Variants in LARGE1 observed in about 807,000 individuals in gnomAD.
The protein encoded by LARGE1 is LARGE xylosyl- and glucuronyltransferase 1, also known as xylosyl- and glucuronyltransferase LARGE1.
A neutral mutation model predicts 87.6 loss-of-function variants in LARGE1; 43 were observed. That is an observed-to-expected ratio of 0.49 (90% CI 0.38 to 0.63). The LOEUF (loss-of-function observed/expected upper bound fraction) is 0.63, where lower values mean the gene tolerates loss of function less well. Among genes scored for constraint, LARGE1 ranks in the 30% least tolerant of loss-of-function variants. The pLI, the probability that LARGE1 is intolerant of heterozygous loss-of-function variation, is 0.00. For synonymous variants in LARGE1, 434 were observed against 394.6 expected (o/e 1.10, Z -1.18); for missense variants, 802 against 1,000.2 (o/e 0.80, Z 2.67).
At chr22:33,798,724 G>A (rs984237556) in intron 1 of LARGE1, among the ~76,000 whole-genome samples, 1 of 152,144 alleles carries the variant, frequency 6.6e-6, no homozygotes, top group Non-Finnish European at 1.5e-5. Context: ...CACACTGGAA[G>A]AATATGCACA....
chr22:33,783,748 C>G (rs138548589), intron 1 of LARGE1, among the ~76,000 whole-genome samples: 20 of 152,226 alleles, frequency 1.3e-4, no homozygotes, highest in Non-Finnish European at 2.6e-4. Context: ...AGGATATGGT[C>G]GCAGGATAAG....
chr22:33,359,560 CTTTTTTT>C lies in LARGE1; in HGVS notation c.1132-21766_1132-21760del, dbSNP rs539990533. ...GAACGACCCTGTATGGCAGACTCAT[CTTTTTTT>C]TTTTTTTTTTTTTTGAGATGGAGTC... On this transcript the variant is annotated intron_variant, in intron 9 of 14. Transcript: ENST00000397394. 5.9e-5 allele frequency among the ~76,000 whole-genome samples: 7 copies of C among 119,234 alleles called. No individual in the cohort carries two copies. In the East Asian group the frequency reaches 1.2e-3, roughly 20 times the overall value. The allele number at this position is 119,234 out of a possible 152,430, so 78.2% of individuals were successfully genotyped here.
chr22:33,137,499 T>C, the LARGE1 span, among the ~76,000 whole-genome samples: 7 of 152,162 alleles, frequency 4.6e-5, no homozygotes, highest in East Asian at 3.9e-4. Flanking sequence ...GAAAAACCCA[T>C]TTTCTGAGGG....
chr22:33,303,375 C>T (rs753386597), intron 12 of LARGE1, among the ~76,000 whole-genome samples: 6 of 152,144 alleles, frequency 3.9e-5, no homozygotes, highest in Non-Finnish European at 5.9e-5. Context: ...CTCCTGGTCT[C>T]GGTCCCACAG....
intron 11 of LARGE1, among the ~76,000 whole-genome samples, chr22:33,204,646 G>C (rs908525508): frequency 6.6e-6 from 1 of 152,116 alleles, no homozygotes; most frequent in Admixed American, 6.5e-5. Context: ...CCTCTGCTGG[G>C]AGTATGTTTG....
the LARGE1 span, chr22:33,116,129 T>G: frequency 3.9e-5 from 6 of 151,972 alleles, no homozygotes; most frequent in Admixed American, 6.6e-5. Context: ...TCGACGAGGG[T>G]GGACCTAGGG....
intron 11 of LARGE1, among the ~76,000 whole-genome samples, chr22:33,190,146 A>G (rs1568966391): frequency 3.4e-5 from 5 of 147,300 alleles, no homozygotes; most frequent in African/African-American, 1.0e-4. Flanking sequence ...TAAACAAAAC[A>G]TTTTTTTTTT....
intron 1 of LARGE1, among the ~76,000 whole-genome samples, chr22:33,794,137 C>G (rs62225445): frequency 0.073 from 11,032 of 152,164 alleles, 514 homozygotes; most frequent in Admixed American, 0.11. Flanking sequence ...TTCCCAGGAC[C>G]CACATTCAAG....
At chr22:33,893,812 C>T (rs898821950) in intron 1 of LARGE1, among the ~76,000 whole-genome samples, 3 of 152,202 alleles carry the variant, frequency 2.0e-5, no homozygotes, top group African/African-American at 7.2e-5. Flanking sequence ...ACAAACCCCA[C>T]GTTTAACCAT....
chr22:33,841,833 T>C (rs2063289618), intron 1 of LARGE1, among the ~76,000 whole-genome samples: 1 of 152,326 alleles, frequency 6.6e-6, no homozygotes, highest in South Asian at 2.1e-4. Context: ...GCTATGTGAC[T>C]TGCCCTGAGT....
intron 2 of LARGE1, among the ~76,000 whole-genome samples, chr22:33,761,110 A>G (rs1385038306): frequency 6.6e-6 from 1 of 152,018 alleles, no homozygotes; most frequent in African/African-American, 2.4e-5. Flanking sequence ...CATTATCGAC[A>G]AAGTAATTGA....
At chr22:33,334,836 C>T (rs570597522) in intron 10 of LARGE1, among the ~76,000 whole-genome samples, 66 of 152,362 alleles carry the variant, frequency 4.3e-4, no homozygotes, top group African/African-American at 1.6e-3. Flanking sequence ...GTTCAACCCC[C>T]GTGAGCTACA....
chr22:33,313,683 C>G (rs909956888), intron 11 of LARGE1, among the ~76,000 whole-genome samples: 2 of 152,126 alleles, frequency 1.3e-5, no homozygotes, highest in African/African-American at 4.8e-5. Context: ...CTGAGGGGGA[C>G]ACCCATCAAC....
intron 2 of LARGE1, among the ~76,000 whole-genome samples, chr22:33,758,242 C>T (rs110689): frequency 0.83 from 126,750 of 152,138 alleles, 52,986 homozygotes; most frequent in East Asian, 0.97. Flanking sequence ...GCCTCTGCTT[C>T]TCCAAGGTAA....
In LARGE1 at chr22:33,806,238, A is replaced by T. The variant is rs1490298500; in HGVS notation, c.-82-44680T>A. ...CTTCTTTCTCTGCCCTTTGCTAGAA[A>T]TTAAGTTTATGGCAACAGTTTTGCA... On this transcript the variant is annotated intron_variant, in intron 1 of 14. Coordinates refer to ENST00000397394, the MANE Select transcript of LARGE1 (RefSeq NM_133642.5). Among the ~76,000 whole-genome samples, 3 of 152,332 alleles carry T rather than the reference A, an allele frequency of 2.0e-5. No homozygotes were observed. In the East Asian group the frequency reaches 5.8e-4, roughly 29 times the overall value.
intron 6 of LARGE1, among the ~76,000 whole-genome samples, chr22:33,490,449 G>C (rs940880500): frequency 2.0e-5 from 3 of 152,190 alleles, no homozygotes; most frequent in Non-Finnish European, 4.4e-5. Context: ...GTTTAGCCCA[G>C]TGCCAAGAAC....
At chr22:33,628,987 A>G (rs1467302420) in intron 3 of LARGE1, among the ~76,000 whole-genome samples, 2 of 152,232 alleles carry the variant, frequency 1.3e-5, no homozygotes, top group Non-Finnish European at 2.9e-5. Context: ...GTGCTGTTAG[A>G]AAACCCTGTA....
intron 1 of LARGE1, among the ~76,000 whole-genome samples, chr22:33,794,257 A>G (rs1183339843): frequency 2.0e-5 from 3 of 152,184 alleles, no homozygotes; most frequent in Non-Finnish European, 4.4e-5. Flanking sequence ...CTAGACCACA[A>G]AAGATGGTGT....
At chr22:33,486,448 G>C (rs1410610294) in intron 6 of LARGE1, among the ~76,000 whole-genome samples, 15 of 152,114 alleles carry the variant, frequency 9.9e-5, no homozygotes, top group Admixed American at 9.2e-4. Flanking sequence ...ATCTCAAACA[G>C]AGCATCAACA....
Sources: allele counts gnomAD v4.1 joint callset (sites outside exome capture counted in the v4.1 genomes callset), GRCh38; gene constraint gnomAD v4.1.1; transcripts MANE v1.5; gene names NCBI Gene and HGNC (gene_info 2026-07-23, HGNC 2026-07-21).